Variants in AKAP19 observed in about 807,000 individuals in gnomAD.
The protein encoded by AKAP19 is A-kinase anchoring protein 19.
chr2:189,973,903 A>C, the AKAP19 span, among the ~76,000 whole-genome samples: 1 of 151,894 alleles, frequency 6.6e-6, no homozygotes, highest in African/African-American at 2.4e-5. Flanking sequence ...GCAGTCTATC[A>C]ATTTTGTTGA....
chr2:190,006,212 A>C, the AKAP19 span, among the ~76,000 whole-genome samples: 1 of 152,352 alleles, frequency 6.6e-6, no homozygotes, highest in African/African-American at 2.4e-5. Flanking sequence ...GCAGCTATGA[A>C]ATTAGCACTT....
At chr2:190,121,804 C>T in the AKAP19 span, among the ~76,000 whole-genome samples, 7 of 152,170 alleles carry the variant, frequency 4.6e-5, no homozygotes, top group Non-Finnish European at 1.0e-4. Flanking sequence ...GGAAACAGAG[C>T]AGTAAGTATG....
At chr2:190,185,364 G>C in the AKAP19 span, among the ~76,000 whole-genome samples, 1 of 152,192 alleles carries the variant, frequency 6.6e-6, no homozygotes, top group Admixed American at 6.5e-5. Context: ...GTATGCACAG[G>C]AGTTTGCAAA....
the AKAP19 span, among the ~76,000 whole-genome samples, chr2:190,168,085 G>C: frequency 3.3e-5 from 5 of 152,188 alleles, no homozygotes; most frequent in East Asian, 3.9e-4. Flanking sequence ...TGGACATTCA[G>C]GTGTTTCCAT....
the AKAP19 span, among the ~76,000 whole-genome samples, chr2:189,991,936 C>T: frequency 5.3e-5 from 8 of 151,954 alleles, no homozygotes; most frequent in African/African-American, 1.9e-4. Context: ...TATCCCAGCA[C>T]CATTTGTTGA....
chr2:189,943,252 C>G, the AKAP19 span, among the ~76,000 whole-genome samples: 1 of 152,336 alleles, frequency 6.6e-6, no homozygotes, highest in East Asian at 1.9e-4. Flanking sequence ...CAGGACAGTG[C>G]TCCCTGCATC....
At chr2:189,980,274 A>G in the AKAP19 span, among the ~76,000 whole-genome samples, 831 of 152,198 alleles carry the variant, frequency 5.5e-3, no homozygotes, top group Middle Eastern at 0.01. Context: ...CATGGATGTA[A>G]ATGAAGGCCA....
the AKAP19 span, among the ~76,000 whole-genome samples, chr2:190,169,245 A>T: frequency 6.6e-6 from 1 of 152,162 alleles, no homozygotes; most frequent in East Asian, 1.9e-4. Context: ...AGAACAGCAC[A>T]GGAAAGACCT....
At chr2:189,930,268 A>C in the AKAP19 span, 7 of 413,692 alleles carry the variant, frequency 1.7e-5, no homozygotes, top group Non-Finnish European at 2.0e-5. Context: ...ACCCTGGCTC[A>C]ATAGTCTAGG....
the AKAP19 span, among the ~76,000 whole-genome samples, chr2:190,168,143 C>T: frequency 1.3e-5 from 2 of 152,340 alleles, no homozygotes; most frequent in East Asian, 1.9e-4. Context: ...CAATTCTTAA[C>T]GTCTTTGCAC....
the AKAP19 span, among the ~76,000 whole-genome samples, chr2:190,147,475 A>G: frequency 0.021 from 3,196 of 152,244 alleles, 98 homozygotes; most frequent in African/African-American, 0.072. Context: ...TGCTTTGGCT[A>G]TGCGGGCTCT....
At chr2:189,909,365 T>C in the AKAP19 span, among the ~76,000 whole-genome samples, 2 of 152,102 alleles carry the variant, frequency 1.3e-5, no homozygotes, top group African/African-American at 4.8e-5. Flanking sequence ...AAGATAATTA[T>C]TGATAAAGAC....
At chr2:190,054,781 C>G in the AKAP19 span, among the ~76,000 whole-genome samples, 1 of 152,132 alleles carries the variant, frequency 6.6e-6, no homozygotes, top group Non-Finnish European at 1.5e-5. Flanking sequence ...CAATGAGATA[C>G]CATCTCACAC....
chr2:189,887,050 T>A, the AKAP19 span, among the ~76,000 whole-genome samples: 1 of 152,194 alleles, frequency 6.6e-6, no homozygotes, highest in Non-Finnish European at 1.5e-5. Context: ...TGCAGATTCG[T>A]TACATAGGTA....
chr2:190,180,977 C>T, the AKAP19 span: 14 of 985,510 alleles, frequency 1.4e-5, no homozygotes, highest in Non-Finnish European at 1.6e-5. This position sits in a 1 kb window ranked among gnomAD's most constrained non-coding sequence, Gnocchi z 6.8. Context: ...CAGACGCCAG[C>T]AAGCCCCCCT....
the AKAP19 span, among the ~76,000 whole-genome samples, chr2:189,940,411 A>G: frequency 6.6e-6 from 1 of 151,610 alleles, no homozygotes; most frequent in Non-Finnish European, 1.5e-5. Flanking sequence ...GCGCCATTGC[A>G]CTCCAGCCTG....
chr2:189,896,122 G>A, the AKAP19 span, among the ~76,000 whole-genome samples: 1 of 151,942 alleles, frequency 6.6e-6, no homozygotes, highest in Non-Finnish European at 1.5e-5. Flanking sequence ...AGAACTTGAA[G>A]AAGAATTTGA....
chr2:190,192,131 AGTATAAG>A, the AKAP19 span, among the ~76,000 whole-genome samples: 7 of 152,134 alleles, frequency 4.6e-5, no homozygotes, highest in East Asian at 1.9e-4. Flanking sequence ...TTTTCTATAA[AGTATAAG>A]GTATAAGTAG....
chr2:190,200,673 AAGAT>A, the AKAP19 span: 1 of 170,048 alleles, frequency 5.9e-6, no homozygotes, highest in Non-Finnish European at 1.4e-5. Context: ...TTAATAAGAT[AAGAT>A]ATTTATTTTT....
Sources: allele counts gnomAD v4.1 joint callset (sites outside exome capture counted in the v4.1 genomes callset), GRCh38; gene constraint gnomAD v4.1.1; non-coding constraint Gnocchi (gnomAD v3.1); transcripts MANE v1.5; gene names NCBI Gene and HGNC (gene_info 2026-07-23, HGNC 2026-07-21).